Variants in SI observed in about 807,000 individuals in gnomAD.
The protein encoded by SI is sucrase-isomaltase, intestinal.
A neutral mutation model predicts 253.3 loss-of-function variants in SI; 235 were observed. The observed-to-expected ratio is 0.93, with a 90% CI of 0.83 to 1.03. The LOEUF is 1.03. Among genes scored for constraint, SI ranks in the 50% least tolerant of loss-of-function variants. SI has a pLI of 0.00. For missense variants in SI, 2,442 were observed against 2,211.1 expected, an observed-to-expected ratio of 1.10 and a Z score of -2.09; for synonymous variants, 819 against 712.0, an observed-to-expected ratio of 1.15 and a Z score of -2.39.
At chr3:165,058,859 T>TAAACAC (rs1713832107) in intron 12 of SI, 104 bp downstream of exon 12, 1 of 596,310 alleles carries the variant, frequency 1.7e-6, no homozygotes, top group Non-Finnish European at 3.0e-6. Flanking sequence ...AAAGCAGACA[T>TAAACAC]ACACACACAC....
Position 165,049,837 on chromosome 3 carries a change from T to A in SI, c.1551A>T (p.Thr517=), listed in dbSNP as rs2108233243. 2 of 1,609,298 alleles carry A rather than the reference T, an allele frequency of 1.2e-6. No homozygotes were observed. The highest frequency in any genetic ancestry group is 1.7e-6 in the Non-Finnish European group (2 of 1,176,360). Residue 517 remains threonine (T), a synonymous_variant, in exon 14 of 48, where the codon ACA becomes ACT. Coordinates refer to ENST00000264382, the MANE Select transcript of SI (RefSeq NM_001041.4). ...TCAATTTGTTTACATTACATCCTTTTGTTGAACCTTGAATAAAGCTGGAAA... is the reference window on the plus strand; with the variant it reads ...TCAATTTGTTTACATTACATCCTTTAGTTGAACCTTGAATAAAGCTGGAAA... ...NEVSSFIQGS[T]KGCNVNKLNY...
chr3:165,058,807 C>T (rs1396496401), intron 12 of SI, among the ~76,000 whole-genome samples, 156 bp downstream of exon 12: 1 of 150,298 alleles, frequency 6.7e-6, no homozygotes, highest in Non-Finnish European at 1.5e-5. Context: ...GTTTCTTTGT[C>T]TAATATTTTT....
intron 10 of SI, 42 bp downstream of exon 10, chr3:165,059,860 T>C (rs200134884): frequency 6.3e-7 from 1 of 1,589,980 alleles, no homozygotes; most frequent in Non-Finnish European, 8.6e-7. Context: ...GTGACAATAT[T>C]TAACTTGATA....
rs941646164 is a variant in SI at position 165,021,207 on chromosome 3, A to G, written c.3254+22T>C. On this transcript the variant is annotated intron_variant, in intron 27 of 47. Transcript: ENST00000264382. ...AAGCTAAAATTAAAATATCCTTTAT[A>G]TCAAATAATTCAATTACTTACATGA... The G allele has an allele frequency of 2.5e-6, 4 of 1,600,292 alleles. No homozygotes were observed. In the African/African-American group the frequency reaches 4.0e-5, roughly 16 times the overall value.
chr3:165,030,057 G>C lies in SI; in HGVS notation c.2892+655C>G, dbSNP rs1712151834. 2.0e-5 allele frequency among the ~76,000 whole-genome samples: 3 copies of C among 149,520 alleles called. No homozygotes were observed. The East Asian group carries it at 5.9e-4, about 29-fold the overall frequency. ...GGGAAATTGCTGACAAATATGTCTT[G>C]ACTCGCCTCAGTGATATAACAGATG... is the stretch of plus-strand genomic sequence containing the variant. On this transcript the variant is annotated intron_variant, in intron 25 of 47. Coordinates refer to ENST00000264382, the MANE Select transcript of SI (RefSeq NM_001041.4).
chr3:164,994,159 C>A (rs1435060194), intron 41 of SI, 98 bp downstream of exon 41: 3 of 1,098,798 alleles, frequency 2.7e-6, no homozygotes, highest in East Asian at 2.5e-5. Context: ...GGAAAAACTG[C>A]CAATCTAAAA....
At chr3:165,038,165 G>T (rs1050234471) in intron 20 of SI, 141 bp from the exon 21 acceptor site, 4 of 713,910 alleles carry the variant, frequency 5.6e-6, no homozygotes, top group Non-Finnish European at 6.5e-6. Flanking sequence ...AACTTTAGGA[G>T]AATTTTTTTT....
intron 37 of SI, among the ~76,000 whole-genome samples, chr3:165,000,781 T>G (rs984146024): frequency 4.0e-5 from 6 of 151,414 alleles, no homozygotes; most frequent in South Asian, 2.1e-4. Context: ...CAGTCACAAT[T>G]AACTTAGTTT....
At chr3:165,075,838 G>A (rs1714925393) in intron 2 of SI, 57 bp downstream of exon 2, 3 of 1,007,322 alleles carry the variant, frequency 3.0e-6, no homozygotes, top group Non-Finnish European at 4.8e-6. Context: ...AACTATTGTG[G>A]AGTAACTTCC....
At chr3:165,076,721 A>T (rs949951118) in intron 1 of SI, among the ~76,000 whole-genome samples, 3 of 151,742 alleles carry the variant, frequency 2.0e-5, no homozygotes, top group African/African-American at 7.2e-5. Context: ...AAAAGACATT[A>T]TACTTTTGAG....
intron 13 of SI, 115 bp downstream of exon 13, chr3:165,055,079 T>C: frequency 1.5e-6 from 1 of 669,970 alleles, no homozygotes. Flanking sequence ...TTATAGTAGC[T>C]TTAAATTTTA....
chr3:165,018,278 C>A (rs1214487464), intron 28 of SI, among the ~76,000 whole-genome samples: 1 of 150,678 alleles, frequency 6.6e-6, no homozygotes, highest in East Asian at 1.9e-4. Flanking sequence ...AAATATGTTT[C>A]TATAATATTT....
rs140829463 is a variant in SI at position 165,032,537 on chromosome 3, A to G, written c.2721T>C (p.Tyr907=). The stretch of plus-strand genomic sequence containing the variant: ...TTGTAATTACCTGGTTAGAAGCATC[A>G]TAAGTGAAATTGGAATGAGCGTTCA... The part of the protein sequence containing the change: ...QPMNAHSNFT[Y]DASNQVLLIA... Residue 907 remains tyrosine, a synonymous_variant, in exon 24 of 48, where the codon TAT becomes TAC. Coordinates refer to ENST00000264382, the MANE Select transcript of SI (RefSeq NM_001041.4). 8.2e-5 allele frequency: 131 copies of G among 1,605,610 alleles called. No individual in the cohort carries two copies. The African/African-American group carries it at 1.5e-3, about 19-fold the overall frequency.
At chr3:165,015,859 T>G in intron 32 of SI, 93 bp downstream of exon 32, 1 of 1,123,766 alleles carries the variant, frequency 8.9e-7, no homozygotes, top group Non-Finnish European at 1.3e-6. Context: ...AGTTATATAC[T>G]TTCTATTTTG....
chr3:164,979,285 A>C lies in SI; in HGVS notation c.*77T>G. The C allele has an allele frequency of 1.2e-6, 1 of 861,580 alleles. No homozygotes were observed. Among genetic ancestry groups the C allele is most frequent in the Admixed American group, 1.7e-5 (1 of 58,684 alleles). 53.4% of individuals were successfully genotyped at this position (861,580 alleles called of 1,614,324 possible). On this transcript the variant is annotated 3_prime_UTR_variant, in exon 48 of 48. Transcript: ENST00000264382. ...TTTGTAGAGTACAAGAACCAAGTGAAGAGGGAAAATTGTAAGTGCTGTGAA... is the reference window on the plus strand; with the variant it reads ...TTTGTAGAGTACAAGAACCAAGTGACGAGGGAAAATTGTAAGTGCTGTGAA...
At chr3:165,086,813 G>C in the SI span, among the ~76,000 whole-genome samples, 1 of 152,164 alleles carries the variant, frequency 6.6e-6, no homozygotes, top group African/African-American at 2.4e-5. Flanking sequence ...ACTGGAACCT[G>C]TAATGAATTG....
At chr3:165,022,493 C>A (rs778946397) in intron 26 of SI, among the ~76,000 whole-genome samples, 5 of 148,160 alleles carry the variant, frequency 3.4e-5, no homozygotes, top group Non-Finnish European at 6.0e-5. Context: ...AATTTGTGAA[C>A]CTTTCTTCAC....
intron 5 of SI, among the ~76,000 whole-genome samples, chr3:165,067,949 G>GA (rs894094750): frequency 2.0e-5 from 3 of 151,634 alleles, no homozygotes; most frequent in African/African-American, 7.3e-5. Context: ...GAATCACTGA[G>GA]AAAAAGAAAA....
At chr3:165,020,713 A>C (rs1255522763) in intron 27 of SI, among the ~76,000 whole-genome samples, 4 of 151,586 alleles carry the variant, frequency 2.6e-5, no homozygotes, top group Non-Finnish European at 5.9e-5. Flanking sequence ...TATAGTTTAT[A>C]GATCTTTTGA....
Sources: gnomAD v4.1 joint callset for allele counts (sites outside exome capture counted in the v4.1 genomes callset) on GRCh38, gnomAD v4.1.1 for gene constraint, MANE v1.5 for transcripts, NCBI Gene and HGNC (gene_info 2026-07-23, HGNC 2026-07-21) for gene names.